Variants in CACNA1I observed in about 807,000 individuals in gnomAD.
The protein encoded by CACNA1I is voltage-dependent T-type calcium channel subunit alpha-1I.
Under a neutral mutation model 201.6 loss-of-function variants are expected in CACNA1I, and 74 were observed. That is an observed-to-expected ratio of 0.37 (90% CI 0.30 to 0.45). CACNA1I has a LOEUF of 0.45. Among genes scored for constraint, CACNA1I ranks in the 20% least tolerant of loss-of-function variants. CACNA1I has a pLI of 1.00. For synonymous variants in CACNA1I, 1,431 were observed against 1,345.2 expected (o/e 1.06, Z -1.40); for missense variants, 2,346 against 3,138.1 (o/e 0.75, Z 6.03).
intron 23 of CACNA1I, among the ~76,000 whole-genome samples, chr22:39,667,286 C>A (rs1040754736): frequency 6.6e-6 from 1 of 152,198 alleles, no homozygotes; most frequent in African/African-American, 2.4e-5. Flanking sequence ...TGGCACCATT[C>A]CCACCTGGGA....
Position 39,658,205 on chromosome 22 carries a change from G to A in CACNA1I, c.2046G>A (p.Met682Ile), listed in dbSNP as rs780424507. The A allele has an allele frequency of 5.6e-6, 9 of 1,613,998 alleles. No homozygotes were observed. The Admixed American group carries it at 8.3e-5, about 15-fold the overall frequency. ...LEICNVVFTS[M>I]FALEMILKLA... ...TCTGCAATGTGGTCTTCACCAGCAT[G>A]TTTGCCCTGGAGATGATCCTGAAGC... Residue 682 changes from methionine to isoleucine, a missense_variant, in exon 11 of 37, where the codon ATG becomes ATA. Physicochemically the swap from Met to Ile is conservative, Grantham distance 10. Around this residue, in one of 13 missense-constraint regions of CACNA1I, gnomAD observed 155 missense variants for 300.8 expected, o/e 0.52. Coordinates refer to ENST00000402142, the MANE Select transcript of CACNA1I (RefSeq NM_021096.4).
At chr22:39,623,786 G>T (rs1378111220) in intron 4 of CACNA1I, among the ~76,000 whole-genome samples, 2 of 150,260 alleles carry the variant, frequency 1.3e-5, no homozygotes. Context: ...CTGTGGGGGT[G>T]TGTATGTCTG....
intron 3 of CACNA1I, among the ~76,000 whole-genome samples, chr22:39,602,668 G>C (rs1237628402): frequency 1.3e-5 from 2 of 152,094 alleles, no homozygotes; most frequent in Admixed American, 1.3e-4. Context: ...TGTAGAGTCA[G>C]AACACTGCAC....
chr22:39,653,805 T>C (rs932352578), intron 10 of CACNA1I, among the ~76,000 whole-genome samples: 1 of 152,232 alleles, frequency 6.6e-6, no homozygotes, highest in Non-Finnish European at 1.5e-5. Context: ...GAGAACAGCT[T>C]GCTCATCCAG....
chr22:39,604,083 T>C (rs1214346999), intron 3 of CACNA1I, among the ~76,000 whole-genome samples: 1 of 152,224 alleles, frequency 6.6e-6, no homozygotes, highest in Non-Finnish European at 1.5e-5. Flanking sequence ...TGCCCTCCTT[T>C]TGCCGTATTT....
At position 39,600,649 on chromosome 22, in the gene CACNA1I, G is replaced by A. The variant is rs757987337; in HGVS notation, c.478G>A (p.Ala160Thr). The A allele has an allele frequency of 1.2e-6, 2 of 1,602,074 alleles. No individual in the cohort carries two copies. The highest frequency in any genetic ancestry group is 1.7e-6 in the Non-Finnish European group (2 of 1,175,140). Residue 160 changes from alanine to threonine, a missense_variant, in exon 3 of 37, where the codon GCA (alanine) becomes ACA (threonine). This residue lies in a region of CACNA1I where 227 missense variants were observed against 412.5 expected (regional missense o/e 0.55). Transcript: ENST00000402142. The part of the protein sequence containing the change: ...WNRLDFFIVM[A>T]GMVEYSLDLQ... ...CCGCCTGGATTTCTTCATCGTCATGGCAGGGTAGGTAGCGCCCGCCAGGCA... is the reference window on the plus strand; with the variant it reads ...CCGCCTGGATTTCTTCATCGTCATGACAGGGTAGGTAGCGCCCGCCAGGCA...
At chr22:39,628,763 C>G (rs742159) in intron 4 of CACNA1I, among the ~76,000 whole-genome samples, 1 of 151,874 alleles carries the variant, frequency 6.6e-6, no homozygotes, top group African/African-American at 2.4e-5. Flanking sequence ...GCCGCCCAGC[C>G]CCTTTACTGA....
At chr22:39,589,158 G>A (rs945396303) in intron 1 of CACNA1I, among the ~76,000 whole-genome samples, 1 of 152,160 alleles carries the variant, frequency 6.6e-6, no homozygotes, top group African/African-American at 2.4e-5. Context: ...TGTCCCTTGG[G>A]GGACAAAATC....
intron 2 of CACNA1I, among the ~76,000 whole-genome samples, chr22:39,599,544 G>A (rs1273355405): frequency 1.2e-4 from 17 of 138,254 alleles, no homozygotes; most frequent in Admixed American, 4.5e-4. Flanking sequence ...GCGTGAACCC[G>A]GGAGGCGGAG....
intron 3 of CACNA1I, among the ~76,000 whole-genome samples, chr22:39,617,419 CG>C (rs1286956950): frequency 6.6e-6 from 1 of 151,946 alleles, no homozygotes; most frequent in African/African-American, 2.4e-5. Context: ...CCCCCCACCC[CG>C]CCCCCCACAG....
At chr22:39,667,316 G>A (rs1935227905) in intron 23 of CACNA1I, among the ~76,000 whole-genome samples, 1 of 152,224 alleles carries the variant, frequency 6.6e-6, no homozygotes, top group African/African-American at 2.4e-5. Flanking sequence ...GAAGGGGTCT[G>A]TGCTCTGGAT....
At chr22:39,632,070 G>A (rs919162177) in intron 4 of CACNA1I, among the ~76,000 whole-genome samples, 2 of 152,114 alleles carry the variant, frequency 1.3e-5, no homozygotes, top group African/African-American at 4.8e-5. Flanking sequence ...GGATAGGTTT[G>A]CAGGAGCCTT....
chr22:39,623,846 T>C (rs1441253538), intron 4 of CACNA1I, among the ~76,000 whole-genome samples: 1 of 146,840 alleles, frequency 6.8e-6, no homozygotes, highest in Non-Finnish European at 1.5e-5. Flanking sequence ...TGAGCGTGTG[T>C]GCGTCCATAA....
intron 7 of CACNA1I, among the ~76,000 whole-genome samples, chr22:39,645,871 T>C (rs937980869): frequency 4.6e-5 from 7 of 152,218 alleles, no homozygotes; most frequent in Admixed American, 1.3e-4. Context: ...CTTCATTTCA[T>C]GCAAGCACAG....
intron 10 of CACNA1I, among the ~76,000 whole-genome samples, chr22:39,655,646 C>A (rs1373776574): frequency 6.6e-6 from 1 of 152,134 alleles, no homozygotes; most frequent in African/African-American, 2.4e-5. Context: ...CACCTTTGCC[C>A]CTCACTCCCT....
chr22:39,670,037 G>A lies in CACNA1I; in HGVS notation c.4195-1G>A, dbSNP rs1817847167. 1 of 1,612,024 alleles carries A rather than the reference G, an allele frequency of 6.2e-7. No individual in the cohort carries two copies. ...CTCAGCCCTTTCTGACTCCCCTGCAGCCTGTGACCAACCACAACCCCTGGA... is the reference window on the plus strand; with the variant it reads ...CTCAGCCCTTTCTGACTCCCCTGCAACCTGTGACCAACCACAACCCCTGGA... On this transcript the variant is annotated splice_acceptor_variant, in intron 24 of 36. Transcript: ENST00000402142. LOFTEE classifies it high-confidence loss of function.
At chr22:39,597,678 G>A (rs1438456660) in intron 1 of CACNA1I, among the ~76,000 whole-genome samples, 1 of 152,250 alleles carries the variant, frequency 6.6e-6, no homozygotes, top group Non-Finnish European at 1.5e-5. Flanking sequence ...GGGCCATCCA[G>A]CCAATCTCAG....
Position 39,688,282 on chromosome 22 carries a change from C to G in CACNA1I, c.*1877C>G, listed in dbSNP as rs1244529828. The stretch of plus-strand genomic sequence containing the variant: ...AGGTGCCTGTGGCGGAAGGAACTGC[C>G]CAGTCCTCCCTGGGGGCAGGTAGAC... On this transcript the variant is annotated 3_prime_UTR_variant, in exon 37 of 37. Coordinates refer to ENST00000402142, the MANE Select transcript of CACNA1I (RefSeq NM_021096.4). The surrounding 1 kb of genome is among the most constrained non-coding windows in gnomAD (Gnocchi z 4.8). 6.6e-6 allele frequency: 1 copy of G among 152,496 alleles called. No homozygotes were observed. The highest frequency in any genetic ancestry group is 1.5e-5 in the Non-Finnish European group (1 of 68,300). 9.4% of individuals were successfully genotyped at this position (152,496 alleles called of 1,614,324 possible).
chr22:39,659,156 TGGGGCTGTGGGCGGGAGCCTG>T lies in CACNA1I; in HGVS notation c.2330+45_2330+65del, dbSNP rs1280179920. On this transcript the variant is annotated intron_variant, in intron 12 of 36. Coordinates refer to ENST00000402142, the MANE Select transcript of CACNA1I (RefSeq NM_021096.4). This position sits in a 1 kb window ranked among gnomAD's most constrained non-coding sequence, Gnocchi z 4.3. ...CTGGGGGCCATACCTCAGCACCTGC[TGGGGCTGTGGGCGGGAGCCTG>T]GGGGATGTGGTCCACTGTGCTTCTC... is the stretch of plus-strand genomic sequence containing the variant. The T allele has an allele frequency of 1.2e-6, 2 of 1,605,018 alleles. No individual in the cohort carries two copies. The highest frequency in any genetic ancestry group is 1.7e-6 in the Non-Finnish European group (2 of 1,176,672).
Sources: allele counts gnomAD v4.1 joint callset (sites outside exome capture counted in the v4.1 genomes callset), GRCh38; gene constraint gnomAD v4.1.1; regional missense constraint gnomAD v4.1.1; non-coding constraint Gnocchi (gnomAD v3.1); transcripts MANE v1.5; gene names NCBI Gene and HGNC (gene_info 2026-07-23, HGNC 2026-07-21).